QKI: variants seen among roughly 807,000 people sequenced by gnomAD.
QKI encodes the protein QKI, KH domain containing RNA binding, also known as KH domain-containing RNA-binding protein QKI.
In QKI, 10 loss-of-function variants were observed where a neutral mutation model predicts 39.0. The observed-to-expected ratio is 0.26, with a 90% CI of 0.16 to 0.43. QKI has a LOEUF of 0.43. Among genes scored for constraint, QKI ranks in the 20% least tolerant of loss-of-function variants. The pLI, the probability that QKI is intolerant of heterozygous loss-of-function variation, is 1.00. For missense variants in QKI, 218 were observed against 428.0 expected, an observed-to-expected ratio of 0.51 and a Z score of 4.33; for synonymous variants, 204 against 155.4, an observed-to-expected ratio of 1.31 and a Z score of -2.33.
intron 7 of QKI, chr6:163,570,474 C>G (rs994253428): frequency 2.1e-6 from 2 of 957,198 alleles, no homozygotes; most frequent in Non-Finnish European, 2.4e-6. Context: ...GGAGTGGGCT[C>G]TTCTTCATTT....
intron 3 of QKI, among the ~76,000 whole-genome samples, chr6:163,491,200 A>T (rs1778034491): frequency 6.6e-6 from 1 of 152,198 alleles, no homozygotes; most frequent in Non-Finnish European, 1.5e-5. Flanking sequence ...TCTTTTGGTG[A>T]AATACAATAA....
chr6:163,529,439 A>C (rs1780713937), intron 3 of QKI, among the ~76,000 whole-genome samples: 1 of 152,216 alleles, frequency 6.6e-6, no homozygotes, highest in Non-Finnish European at 1.5e-5. Flanking sequence ...TATGAAAATC[A>C]GTGAGATGAT....
intron 3 of QKI, among the ~76,000 whole-genome samples, chr6:163,533,083 C>T (rs192521634): frequency 6.6e-6 from 1 of 151,632 alleles, no homozygotes; most frequent in Admixed American, 6.6e-5. Context: ...CAAATAGGTG[C>T]ACTTTTAGGC....
At position 163,574,614 on chromosome 6, in the gene QKI, C is replaced by T. The variant is rs1175413829; in HGVS notation, c.*3904C>T. ...AAAGTTGTATGTGATTAATTTCTTG[C>T]ATGCAAATCAATTTAAGATTTCTTA... On this transcript the variant is annotated 3_prime_UTR_variant, in exon 8 of 8. Coordinates refer to ENST00000361752, the MANE Select transcript of QKI (RefSeq NM_006775.3). 2 of 152,190 alleles carry T rather than the reference C, an allele frequency of 1.3e-5. No homozygotes were observed. The highest frequency in any genetic ancestry group is 2.4e-5 in the African/African-American group (1 of 41,456). The allele number at this position is 152,190 out of a possible 1,614,324, so 9.4% of individuals were successfully genotyped here. A position where few individuals can be genotyped will look rare whatever the true frequency, so the allele number is the denominator to read the frequency against.
chr6:163,416,483 A>G (rs1447789076), intron 1 of QKI: 3 of 152,880 alleles, frequency 2.0e-5, no homozygotes, highest in African/African-American at 7.2e-5. Flanking sequence ...ACTGAAAACT[A>G]CAGGTTGAAG....
chr6:163,563,214 ATTC>A (rs1783139715), intron 5 of QKI, among the ~76,000 whole-genome samples: 1 of 152,138 alleles, frequency 6.6e-6, no homozygotes, highest in African/African-American at 2.4e-5. Context: ...ATTTTTGCAC[ATTC>A]TTAATCACAT....
rs985557078 is a variant in QKI, at chr6:163,440,883, T to A, written c.143-14396T>A. 7.9e-5 allele frequency among the ~76,000 whole-genome samples: 12 copies of A among 151,396 alleles called. No individual in the cohort carries two copies. The East Asian group carries it at 1.7e-3, about 22-fold the overall frequency. On this transcript the variant is annotated intron_variant, in intron 1 of 7. Coordinates refer to ENST00000361752, the MANE Select transcript of QKI (RefSeq NM_006775.3). ...CATTGGTAAGACAGTTTTTTTTTTT[T>A]AAAACAGGTTATACTTTATTCAGGT...
chr6:163,554,302 T>C (rs1418812292), intron 4 of QKI, among the ~76,000 whole-genome samples: 1 of 152,130 alleles, frequency 6.6e-6, no homozygotes, highest in Non-Finnish European at 1.5e-5. Flanking sequence ...CTCATCCAGC[T>C]CTTCAGGGTC....
intron 7 of QKI, chr6:163,568,797 T>C: frequency 1.0e-6 from 1 of 985,200 alleles, no homozygotes; most frequent in Non-Finnish European, 1.2e-6. Flanking sequence ...CTCACCTCTT[T>C]ATATATATTT....
chr6:163,564,569 T>G, intron 6 of QKI: 1 of 1,596,008 alleles, frequency 6.3e-7, no homozygotes, highest in Non-Finnish European at 8.5e-7. Context: ...AGAATCTCAC[T>G]TAAGGCAGAA....
At chr6:163,566,017 AACAAATG>A in intron 6 of QKI, 1 of 1,604,260 alleles carries the variant, frequency 6.2e-7, no homozygotes, top group Non-Finnish European at 8.5e-7. Flanking sequence ...ATCTGAATTT[AACAAATG>A]CTTAGTCTCA....
chr6:163,436,966 C>A (rs1463972737), intron 1 of QKI, among the ~76,000 whole-genome samples: 5 of 152,052 alleles, frequency 3.3e-5, no homozygotes, highest in Admixed American at 3.3e-4. Flanking sequence ...GTTGGAGATA[C>A]ATTTGAATGT....
chr6:163,555,939 A>T (rs749411606), intron 4 of QKI, among the ~76,000 whole-genome samples: 1 of 152,218 alleles, frequency 6.6e-6, no homozygotes, highest in Non-Finnish European at 1.5e-5. Context: ...TAAAGGCATC[A>T]TAAGACTGGA....
intron 7 of QKI, chr6:163,569,916 G>T (rs1168283192): frequency 1.5e-5 from 15 of 986,880 alleles, no homozygotes; most frequent in Non-Finnish European, 1.7e-5. Context: ...GGATTTTACA[G>T]TGTTTACATG....
intron 3 of QKI, among the ~76,000 whole-genome samples, chr6:163,533,912 G>C (rs776340751): frequency 6.6e-6 from 1 of 152,164 alleles, no homozygotes; most frequent in Non-Finnish European, 1.5e-5. Flanking sequence ...GCTCAATCAT[G>C]TGAATTGTTG....
rs375154288 is a variant in QKI, at chr6:163,554,065, T to C, written c.547-7917T>C. ...ATAAAAGAGAAGAAAGCCTGTGTAATGATGAAACCAAGACCCTGGCTTGGT... is the reference window on the plus strand; with the variant it reads ...ATAAAAGAGAAGAAAGCCTGTGTAACGATGAAACCAAGACCCTGGCTTGGT... On this transcript the variant is annotated intron_variant, in intron 4 of 7. Coordinates refer to ENST00000361752, the MANE Select transcript of QKI (RefSeq NM_006775.3). Among the ~76,000 whole-genome samples the C allele has an allele frequency of 1.2e-4, 18 of 152,260 alleles. No homozygotes were observed. The East Asian group carries it at 2.9e-3, about 24-fold the overall frequency.
chr6:163,511,296 C>G (rs553239065), intron 3 of QKI, among the ~76,000 whole-genome samples: 1 of 151,850 alleles, frequency 6.6e-6, no homozygotes, highest in East Asian at 1.9e-4. Context: ...ATCTAATTTC[C>G]TACCTAATTA....
In QKI at chr6:163,576,477, C is replaced by G. The variant is rs1783979985; in HGVS notation, c.*5767C>G. 6.6e-6 allele frequency: 1 copy of G among 151,994 alleles called. No homozygotes were observed. The highest frequency in any genetic ancestry group is 1.5e-5 in the Non-Finnish European group (1 of 67,996). The allele number at this position is 151,994 out of a possible 1,614,324, so 9.4% of individuals were successfully genotyped here. The stretch of plus-strand genomic sequence containing the variant: ...TTCCAGGGTAAAAGTTAATTTATAA[C>G]TTAAAAGTGCTATTAAGTTTTTATT... On this transcript the variant is annotated 3_prime_UTR_variant, in exon 8 of 8. Coordinates refer to ENST00000361752, the MANE Select transcript of QKI (RefSeq NM_006775.3).
chr6:163,553,254 C>A (rs1300371728), intron 4 of QKI, among the ~76,000 whole-genome samples: 2 of 151,870 alleles, frequency 1.3e-5, no homozygotes, highest in Non-Finnish European at 2.9e-5. Context: ...CAGGCGTGCA[C>A]CACCATTGCC....
Sources: gnomAD v4.1 joint callset for allele counts (sites outside exome capture counted in the v4.1 genomes callset) on GRCh38, gnomAD v4.1.1 for gene constraint, MANE v1.5 for transcripts, NCBI Gene and HGNC (gene_info 2026-07-23, HGNC 2026-07-21) for gene names.